Variants in NRG1 observed in about 807,000 individuals in gnomAD.
The protein encoded by NRG1 is pro-neuregulin-1, membrane-bound isoform.
A neutral mutation model predicts 63.8 loss-of-function variants in NRG1; 18 were observed. The observed-to-expected ratio is 0.28, with a 90% CI of 0.19 to 0.42. The LOEUF is 0.42. Ranked by LOEUF, NRG1 falls within the 10% of genes least tolerant of loss-of-function variation. NRG1 has a pLI of 1.00. For missense variants in NRG1, 762 were observed against 814.7 expected (o/e 0.94, Z 0.79); for synonymous variants, 302 against 301.3 (o/e 1.00, Z -0.02).
intron 1 of NRG1, among the ~76,000 whole-genome samples, chr8:32,121,551 C>G (rs1322116185): frequency 6.6e-6 from 1 of 151,916 alleles, no homozygotes; most frequent in Non-Finnish European, 1.5e-5. Flanking sequence ...AAAAATCATT[C>G]AAAAGACTAC....
intron 1 of NRG1, among the ~76,000 whole-genome samples, chr8:31,662,171 A>G (rs1053420289): frequency 6.6e-6 from 1 of 152,218 alleles, no homozygotes; most frequent in Admixed American, 6.5e-5. Flanking sequence ...TTGTGCAATT[A>G]GTGGACAGAG....
chr8:32,485,329 C>A (rs993003982), intron 1 of NRG1, among the ~76,000 whole-genome samples: 20 of 151,846 alleles, frequency 1.3e-4, no homozygotes, highest in Non-Finnish European at 2.9e-4. Context: ...TGGTCTCCAA[C>A]TCCTGACCTC....
chr8:31,990,501 T>C (rs1810879050), intron 1 of NRG1, among the ~76,000 whole-genome samples: 1 of 152,094 alleles, frequency 6.6e-6, no homozygotes, highest in African/African-American at 2.4e-5. Flanking sequence ...CTTTAGGAAC[T>C]AGCAGGGCAT....
At chr8:32,383,442 G>A (rs112275109) in intron 1 of NRG1, among the ~76,000 whole-genome samples, 1 of 152,134 alleles carries the variant, frequency 6.6e-6, no homozygotes, top group East Asian at 1.9e-4. Flanking sequence ...GCCATACCTA[G>A]GTCACATACC....
intron 5 of NRG1, among the ~76,000 whole-genome samples, chr8:32,683,785 G>A (rs1014081183): frequency 4.6e-5 from 7 of 151,698 alleles, no homozygotes; most frequent in East Asian, 3.9e-4. Context: ...ACCTAAGTTC[G>A]GATATTGTCA....
chr8:32,427,578 G>A (rs28569837), intron 1 of NRG1, among the ~76,000 whole-genome samples: 38,414 of 152,060 alleles, frequency 0.25, 4,873 homozygotes, highest in African/African-American at 0.27. Flanking sequence ...TATTACATGC[G>A]TGACTTGATT....
intron 1 of NRG1, among the ~76,000 whole-genome samples, chr8:32,513,204 CGT>C (rs3031226): frequency 0.32 from 47,097 of 147,396 alleles, 8,291 homozygotes; most frequent in East Asian, 0.72. Context: ...TGCGTGTGTG[CGT>C]GTGTGTGTGT....
At chr8:32,713,757 T>A (rs895991008) in intron 5 of NRG1, among the ~76,000 whole-genome samples, 1 of 121,420 alleles carries the variant, frequency 8.2e-6, no homozygotes, top group Non-Finnish European at 1.8e-5. Context: ...ATAAATATAT[T>A]ATATATTTAT....
intron 1 of NRG1, among the ~76,000 whole-genome samples, chr8:32,267,965 C>T (rs1049623766): frequency 1.6e-4 from 25 of 152,126 alleles, no homozygotes; most frequent in Non-Finnish European, 1.0e-4. Context: ...TGAATGTCAG[C>T]GGACCTTTAA....
chr8:32,377,193 TC>T (rs373706856), intron 1 of NRG1, among the ~76,000 whole-genome samples: 150 of 152,354 alleles, frequency 9.8e-4, no homozygotes, highest in African/African-American at 3.5e-3. Context: ...CAAGAAAGCT[TC>T]AAGAAGTTGA....
At chr8:32,539,539 GCT>G (rs2129520516) in intron 1 of NRG1, among the ~76,000 whole-genome samples, 1 of 152,338 alleles carries the variant, frequency 6.6e-6, no homozygotes, top group South Asian at 2.1e-4. Flanking sequence ...CTGATCCTGA[GCT>G]CTGTCTGGCT....
downstream of NRG1, among the ~76,000 whole-genome samples, chr8:32,771,451 T>G (rs749519219): frequency 2.0e-5 from 3 of 151,526 alleles, no homozygotes; most frequent in African/African-American, 7.3e-5. Flanking sequence ...TGATGCAGTA[T>G]AAGTTCAGCT....
At chr8:32,168,537 G>T (rs1031037774) in intron 1 of NRG1, among the ~76,000 whole-genome samples, 1 of 152,210 alleles carries the variant, frequency 6.6e-6, no homozygotes, top group Admixed American at 6.5e-5. Flanking sequence ...GTTGAATTTA[G>T]TGCCCTCTGC....
In NRG1 at chr8:32,179,537, T is replaced by G. The variant is rs549012507; in HGVS notation, c.38-416291T>G. Among the ~76,000 whole-genome samples the G allele has an allele frequency of 3.9e-5, 6 of 152,386 alleles. No homozygotes were observed. The East Asian group carries it at 1.2e-3, about 29-fold the overall frequency. On this transcript the variant is annotated intron_variant, in intron 1 of 10. Transcript: ENST00000519301. ...TTGATGTCATGTCCATTAAGTAACT[T>G]GGCTGAATTTCTTGAAGCTTTAGGT... is the stretch of plus-strand genomic sequence containing the variant.
At chr8:32,366,558 T>G (rs1490872451) in intron 1 of NRG1, among the ~76,000 whole-genome samples, 1 of 151,558 alleles carries the variant, frequency 6.6e-6, no homozygotes, top group Admixed American at 6.6e-5. Context: ...AGTAATCCAT[T>G]GTATGTATAT....
intron 1 of NRG1, among the ~76,000 whole-genome samples, chr8:32,148,984 G>A (rs1046646801): frequency 2.0e-5 from 3 of 152,128 alleles, no homozygotes; most frequent in Admixed American, 6.6e-5. Context: ...TGTGCTGCAG[G>A]AACGTAATTA....
intron 1 of NRG1, among the ~76,000 whole-genome samples, chr8:31,933,418 T>C (rs1297584191): frequency 1.3e-5 from 2 of 152,038 alleles, no homozygotes; most frequent in African/African-American, 4.8e-5. Flanking sequence ...GTAGCTGGGA[T>C]TACAGGCGTG....
At chr8:32,047,819 T>C (rs1001422584) in intron 1 of NRG1, among the ~76,000 whole-genome samples, 1 of 151,906 alleles carries the variant, frequency 6.6e-6, no homozygotes, top group Non-Finnish European at 1.5e-5. Flanking sequence ...ATACAATGTA[T>C]CATTAATGAT....
chr8:31,952,465 T>A (rs1438819460), intron 1 of NRG1, among the ~76,000 whole-genome samples: 3 of 152,212 alleles, frequency 2.0e-5, no homozygotes, highest in Admixed American at 2.0e-4. Context: ...GCAGAGTATG[T>A]CTAACAGGCA....
Sources: gnomAD v4.1 joint callset for allele counts (sites outside exome capture counted in the v4.1 genomes callset) on GRCh38, gnomAD v4.1.1 for gene constraint, MANE v1.5 for transcripts, NCBI Gene and HGNC (gene_info 2026-07-23, HGNC 2026-07-21) for gene names.